Variants in SAFB2 observed in about 807,000 individuals in gnomAD.
SAFB2 encodes scaffold attachment factor B2.
Under a neutral mutation model 100.6 loss-of-function variants are expected in SAFB2, and 32 were observed. That is an observed-to-expected ratio of 0.32 (90% CI 0.24 to 0.43). The LOEUF (loss-of-function observed/expected upper bound fraction) is 0.43. Ranked by LOEUF, SAFB2 falls within the 20% of genes least tolerant of loss-of-function variation. The probability of loss-of-function intolerance (pLI) is 1.00; values close to 1 mark genes in which losing one functional copy is unlikely to be tolerated. For missense variants in SAFB2, 1,185 were observed against 1,163.4 expected, an observed-to-expected ratio of 1.02 and a Z score of -0.27; for synonymous variants, 500 against 439.4, an observed-to-expected ratio of 1.14 and a Z score of -1.72.
chr19:5,598,761 G>A (rs1266532205), intron 13 of SAFB2, 32 bp downstream of exon 13: 2 of 1,586,760 alleles, frequency 1.3e-6, no homozygotes, highest in African/African-American at 2.7e-5. Context: ...GTGAGAAACA[G>A]CTGGCCCTGA....
rs142474489 is a variant in SAFB2 at position 5,587,717 on chromosome 19, G to A, written c.2689C>T (p.Arg897Cys). The stretch of plus-strand genomic sequence containing the variant: ...ACACCTTACCCCGCCACTCCACCGC[G>A]GCTTGCCATGTGCCCCGGCCCCGAG... ...GPSGPGHMASRGGVAGRGGFA... is the reference protein window; with the variant it reads ...GPSGPGHMASCGGVAGRGGFA... The change falls in exon 20 of 21, where the codon CGC becomes TGC. Residue 897 changes from arginine (R) to cysteine (C), a missense_variant. By Grantham distance (180) the Arg-to-Cys change is radical (BLOSUM62 -3). Coordinates refer to ENST00000252542, the MANE Select transcript of SAFB2 (RefSeq NM_014649.3). This position sits in a 1 kb window ranked among gnomAD's most constrained non-coding sequence, Gnocchi z 4.9. The A allele has an allele frequency of 1.5e-4, 238 of 1,551,918 alleles. No individual in the cohort carries two copies. In the African/African-American group the frequency reaches 2.7e-3, roughly 17 times the overall value.
At chr19:5,596,459 C>T (rs1041114747) in intron 13 of SAFB2, among the ~76,000 whole-genome samples, 1 of 152,192 alleles carries the variant, frequency 6.6e-6, no homozygotes, top group Non-Finnish European at 1.5e-5. Context: ...ATCCTCCCAC[C>T]TCAGCCTCCT....
chr19:5,598,917 C>G, intron 12 of SAFB2, 33 bp from the exon 13 acceptor site: 1 of 1,603,712 alleles, frequency 6.2e-7, no homozygotes. Flanking sequence ...CTATCAAAAC[C>G]TGTGGACGCC....
chr19:5,590,259 C>G lies in SAFB2; in HGVS notation c.2525+19G>C, dbSNP rs561672518. ...GTTAGGACAGATGCTCCCCACCCGG[C>G]TGGGGCTCACCCACTAACCTGGGGG... On this transcript the variant is annotated intron_variant, in intron 18 of 20. Coordinates refer to ENST00000252542, the MANE Select transcript of SAFB2 (RefSeq NM_014649.3). The G allele has an allele frequency of 2.6e-6, 4 of 1,562,976 alleles. No individual in the cohort carries two copies. In the African/African-American group the frequency reaches 4.1e-5, roughly 16 times the overall value.
chr19:5,622,695 C>A lies in SAFB2; in HGVS notation c.21G>T (p.Gly7=). The A allele has an allele frequency of 6.2e-7, 1 of 1,605,202 alleles. No individual in the cohort carries two copies. Among genetic ancestry groups the A allele is most frequent in the South Asian group, 1.1e-5 (1 of 90,680 alleles). Residue 7 remains glycine (G), a synonymous_variant, in exon 1 of 21, where the codon GGG becomes GGT. Transcript: ENST00000252542. MAETLP[G]SGDSGPGTAS... ...CCGTGCCAGGGCCCGAGTCGCCCGA[C>A]CCGGGCAGAGTCTCCGCCATCGTCG...
Position 5,622,696 on chromosome 19 carries a change from C to G in SAFB2, c.20G>C (p.Gly7Ala). MAETLP[G>A]SGDSGPGTAS... Reference sequence around the variant, plus strand: ...CGTGCCAGGGCCCGAGTCGCCCGACCCGGGCAGAGTCTCCGCCATCGTCGC... The same window carrying G: ...CGTGCCAGGGCCCGAGTCGCCCGACGCGGGCAGAGTCTCCGCCATCGTCGC... The change falls in exon 1 of 21, where the codon GGG becomes GCG. Residue 7 changes from glycine (G) to alanine (A), a missense_variant. Transcript: ENST00000252542. 6.2e-7 allele frequency: 1 copy of G among 1,605,124 alleles called. No individual in the cohort carries two copies. The highest frequency in any genetic ancestry group is 8.5e-7 in the Non-Finnish European group (1 of 1,178,420).
At chr19:5,608,533 C>T (rs778230245) in intron 9 of SAFB2, among the ~76,000 whole-genome samples, 1 of 152,158 alleles carries the variant, frequency 6.6e-6, no homozygotes, top group African/African-American at 2.4e-5. Context: ...ACGCTTTCTC[C>T]GGGTCCTGTC....
intron 18 of SAFB2, among the ~76,000 whole-genome samples, chr19:5,589,438 G>T (rs1305057474): frequency 6.6e-6 from 1 of 152,010 alleles, no homozygotes; most frequent in Non-Finnish European, 1.5e-5. Context: ...GGGAGGGATG[G>T]AACGGGGGAG....
chr19:5,593,007 C>A (rs2052447522), intron 15 of SAFB2, 120 bp from the exon 16 acceptor site: 4 of 861,994 alleles, frequency 4.6e-6, no homozygotes, highest in Non-Finnish European at 7.2e-6. Context: ...TTTAAAATGT[C>A]CTGCAGGGCT....
chr19:5,592,111 T>C (rs558819326), intron 16 of SAFB2, among the ~76,000 whole-genome samples: 1 of 152,182 alleles, frequency 6.6e-6, no homozygotes, highest in Non-Finnish European at 1.5e-5. Flanking sequence ...GTGGGACTCA[T>C]CAAAATTCAC....
chr19:5,615,955 T>C (rs750214025), intron 4 of SAFB2, 177 bp downstream of exon 4: 212 of 609,982 alleles, frequency 3.5e-4, no homozygotes, highest in Non-Finnish European at 4.3e-4. Context: ...AAAAGCTATC[T>C]ATGAGTAAAT....
At chr19:5,603,616 C>T (rs2052709382) in intron 11 of SAFB2, among the ~76,000 whole-genome samples, 1 of 152,222 alleles carries the variant, frequency 6.6e-6, no homozygotes, top group Admixed American at 6.5e-5. Context: ...TTCCCAACTA[C>T]TACGCCAAGG....
At chr19:5,603,582 A>C (rs1387563469) in intron 11 of SAFB2, among the ~76,000 whole-genome samples, 1 of 152,252 alleles carries the variant, frequency 6.6e-6, no homozygotes, top group Non-Finnish European at 1.5e-5. Context: ...ACCCCTTTAT[A>C]AAAATAGAAC....
At position 5,604,953 on chromosome 19, in the gene SAFB2, A is replaced by G; in HGVS notation, c.1297-17T>C. 4 of 1,609,438 alleles carry G rather than the reference A, an allele frequency of 2.5e-6. No homozygotes were observed. The highest frequency in any genetic ancestry group is 1.1e-5 in the South Asian group (1 of 90,960). On this transcript the variant is annotated splice_polypyrimidine_tract_variant and intron_variant, in intron 9 of 20. Coordinates refer to ENST00000252542, the MANE Select transcript of SAFB2 (RefSeq NM_014649.3). ...CCCGACAACCTTCATGAAAAAGGGC[A>G]CTCTTACTCTCTCATACAAATGACC...
At chr19:5,611,730 G>A in intron 6 of SAFB2, 100 bp from the exon 7 acceptor site, 2 of 432,102 alleles carry the variant, frequency 4.6e-6, no homozygotes, top group South Asian at 3.5e-5. Flanking sequence ...CTAACACGAA[G>A]AGAACTGCTA....
intron 13 of SAFB2, 73 bp downstream of exon 13, chr19:5,598,720 T>A (rs2052586835): frequency 1.4e-6 from 2 of 1,379,786 alleles, no homozygotes; most frequent in African/African-American, 1.4e-5. Context: ...GCTGTTTTCA[T>A]AATGCGGATC....
In SAFB2 at chr19:5,593,894, T is replaced by C; in HGVS notation, c.2204A>G (p.Asp735Gly). The change falls in exon 15 of 21, where the codon GAC becomes GGC. Residue 735 changes from aspartate to glycine, a missense_variant. Asp to Gly is a moderately conservative substitution (Grantham distance 94). Transcript: ENST00000252542. ...CCACGCTCTGGGCGGGACTCACCGG[T>C]CCAGGTCGTAGGGCCTCCGCCCGGG... Reference protein sequence around the residue: ...RRPGRRPYDLDRRDDAYWPEG... With the variant: ...RRPGRRPYDLGRRDDAYWPEG... 6.7e-7 allele frequency: 1 copy of C among 1,500,602 alleles called. No individual in the cohort carries two copies. The highest frequency in any genetic ancestry group is 8.8e-7 in the Non-Finnish European group (1 of 1,135,848). 93.0% of individuals were successfully genotyped at this position (1,500,602 alleles called of 1,614,324 possible). A position where few individuals can be genotyped will look rare whatever the true frequency, so the allele number is the denominator to read the frequency against.
intron 13 of SAFB2, among the ~76,000 whole-genome samples, chr19:5,596,331 T>C (rs1468924142): frequency 6.6e-6 from 1 of 152,178 alleles, no homozygotes; most frequent in Non-Finnish European, 1.5e-5. Flanking sequence ...TACAGAACAC[T>C]AATAGCCAAC....
intron 1 of SAFB2, 66 bp from the exon 2 acceptor site, chr19:5,621,462 G>A: frequency 9.8e-7 from 1 of 1,020,350 alleles, no homozygotes; most frequent in Non-Finnish European, 1.6e-6. Flanking sequence ...TTCCTTACAA[G>A]TAACAACCTC....
Sources: gnomAD v4.1 joint callset for allele counts (sites outside exome capture counted in the v4.1 genomes callset) on GRCh38, gnomAD v4.1.1 for gene constraint, Gnocchi (gnomAD v3.1) non-coding constraint, MANE v1.5 for transcripts, NCBI Gene and HGNC (gene_info 2026-07-23, HGNC 2026-07-21) for gene names.